SYDE2: variants seen among roughly 807,000 people sequenced by gnomAD.
The protein encoded by SYDE2 is rho GTPase-activating protein SYDE2.
Under a neutral mutation model 91.5 loss-of-function variants are expected in SYDE2, and 76 were observed. The observed-to-expected ratio is 0.83, with a 90% CI of 0.69 to 1.01. The LOEUF (loss-of-function observed/expected upper bound fraction) is 1.01. Among genes scored for constraint, SYDE2 ranks in the 50% least tolerant of loss-of-function variants. SYDE2 has a pLI of 0.00. For synonymous variants in SYDE2, 513 were observed against 506.4 expected (o/e 1.01, Z -0.18); for missense variants, 1,364 against 1,367.7 (o/e 1.00, Z 0.04).
chr1:85,182,127 T>TA lies in SYDE2; in HGVS notation c.2514dup (p.Ile839TyrfsTer5). ...CAGCCTCTCTTTTCAATTTCCATAATACATTTCTGTATCAGAAGGGGCACC... is the reference window on the plus strand; with the variant it reads ...CAGCCTCTCTTTTCAATTTCCATAATAACATTTCTGTATCAGAAGGGGCACC... On this transcript the variant is annotated frameshift_variant, in exon 3 of 7. Transcript: ENST00000341460. LOFTEE classifies it high-confidence loss of function. The TA allele has an allele frequency of 6.3e-7, 1 of 1,598,058 alleles. No individual in the cohort carries two copies. Among genetic ancestry groups the TA allele is most frequent in the Non-Finnish European group, 8.5e-7 (1 of 1,173,420 alleles).
At chr1:85,200,104 C>CT in intron 1 of SYDE2, 148 bp downstream of exon 1, 1 of 1,479,886 alleles carries the variant, frequency 6.8e-7, no homozygotes, top group Non-Finnish European at 8.9e-7. Flanking sequence ...CCCGAAATTA[C>CT]TTTAAGCTGC....
chr1:85,174,553 G>A (rs1657621446), intron 4 of SYDE2, among the ~76,000 whole-genome samples: 1 of 152,202 alleles, frequency 6.6e-6, no homozygotes, highest in African/African-American at 2.4e-5. Flanking sequence ...TAAAGATACA[G>A]TTGATTAGGT....
chr1:85,154,177 T>A (rs1264355630), downstream of SYDE2: 4 of 151,760 alleles, frequency 2.6e-5, no homozygotes, highest in African/African-American at 9.7e-5. Flanking sequence ...TAATACAACT[T>A]TATCATACCA....
intron 2 of SYDE2, among the ~76,000 whole-genome samples, chr1:85,185,989 A>C (rs1057393173): frequency 2.6e-5 from 4 of 152,134 alleles, no homozygotes; most frequent in Admixed American, 2.0e-4. Flanking sequence ...TAATTTATTG[A>C]GAGTTTTTAG....
At chr1:85,197,855 A>G (rs1438102865) in intron 1 of SYDE2, among the ~76,000 whole-genome samples, 1 of 151,876 alleles carries the variant, frequency 6.6e-6, no homozygotes, top group Non-Finnish European at 1.5e-5. Context: ...GGGGTTTCAC[A>G]GTATTAGCCA....
chr1:85,185,388 C>A (rs1394069239), intron 2 of SYDE2, among the ~76,000 whole-genome samples: 2 of 151,580 alleles, frequency 1.3e-5, no homozygotes, highest in Non-Finnish European at 2.9e-5. Context: ...CAATTTGCCA[C>A]AAACATTAAA....
At position 85,158,430 on chromosome 1, in the gene SYDE2, T is replaced by C; in HGVS notation, c.*320A>G. ...CTCAGCTACAGAAGAGTGGTTCCCA[T>C]AAAGCAGAAAAACCTTGAGGGGCTA... On this transcript the variant is annotated 3_prime_UTR_variant, in exon 7 of 7. Coordinates refer to ENST00000341460, the MANE Select transcript of SYDE2 (RefSeq NM_032184.2). The C allele has an allele frequency of 4.5e-6, 1 of 220,282 alleles. No individual in the cohort carries two copies. The allele number at this position is 220,282 out of a possible 1,614,324, so 13.6% of individuals were successfully genotyped here. A position where few individuals can be genotyped will look rare whatever the true frequency, so the allele number is the denominator to read the frequency against.
At chr1:85,162,172 T>C (rs950850824) in intron 6 of SYDE2, among the ~76,000 whole-genome samples, 8 of 151,948 alleles carry the variant, frequency 5.3e-5, no homozygotes, top group African/African-American at 1.9e-4. Flanking sequence ...AAAAATAACA[T>C]GAAACAAAAC....
intron 4 of SYDE2, among the ~76,000 whole-genome samples, chr1:85,170,598 A>G (rs1474444945): frequency 6.6e-6 from 1 of 152,208 alleles, no homozygotes; most frequent in African/African-American, 2.4e-5. Context: ...TGGATTTTTG[A>G]TTTTTGGATT....
intron 6 of SYDE2, among the ~76,000 whole-genome samples, chr1:85,163,443 ATC>A (rs1344201988): frequency 5.7e-5 from 4 of 70,320 alleles, no homozygotes; most frequent in South Asian, 4.4e-4. Flanking sequence ...TTGTACTTTA[ATC>A]TATATATATA....
intron 1 of SYDE2, among the ~76,000 whole-genome samples, chr1:85,199,424 T>A: frequency 6.6e-6 from 1 of 152,234 alleles, no homozygotes; most frequent in East Asian, 1.9e-4. Context: ...TAGTTAAAAA[T>A]CATGCACATA....
In SYDE2 at chr1:85,182,233, A is replaced by G. The variant is rs766610733; in HGVS notation, c.2409T>C (p.His803=). 2 of 1,610,036 alleles carry G rather than the reference A, an allele frequency of 1.2e-6. No homozygotes were observed. The highest frequency in any genetic ancestry group is 1.7e-6 in the Non-Finnish European group (2 of 1,178,672). ...TTGGTTCTTGGTTTATATCTAGTCC[A>G]TGAAGAGAATTCTCCCACTGTTCCA... ...TLMEQWENSL[H]GLDINQEPII... Residue 803 remains histidine (H), a synonymous_variant, in exon 3 of 7, where the codon CAT becomes CAC. Coordinates refer to ENST00000341460, the MANE Select transcript of SYDE2 (RefSeq NM_032184.2).
chr1:85,194,554 A>C (rs562763856), intron 1 of SYDE2, among the ~76,000 whole-genome samples: 1 of 151,016 alleles, frequency 6.6e-6, no homozygotes, highest in East Asian at 1.9e-4. Context: ...AAAAATATAA[A>C]AATAAGTATG....
Position 85,200,895 on chromosome 1 carries a change from G to A in SYDE2, c.102C>T (p.Ser34=), listed in dbSNP as rs1039448766. The stretch of plus-strand genomic sequence containing the variant: ...AGGCTCGGCGGTACGCGGCGCCGCG[G>A]GAAGGCGGCTGGCCCGGAGCCCGGG... ...AGARAPGQPP[S]RGAAYRRACP... The change falls in exon 1 of 7, where the codon TCC becomes TCT. Residue 34 remains serine (S), a synonymous_variant. Coordinates refer to ENST00000341460, the MANE Select transcript of SYDE2 (RefSeq NM_032184.2). 7.5e-7 allele frequency: 1 copy of A among 1,333,920 alleles called. No homozygotes were observed. The highest frequency in any genetic ancestry group is 9.5e-7 in the Non-Finnish European group (1 of 1,051,518). The allele number at this position is 1,333,920 out of a possible 1,614,324, so 82.6% of individuals were successfully genotyped here. A position where few individuals can be genotyped will look rare whatever the true frequency, so the allele number is the denominator to read the frequency against.
Position 85,200,910 on chromosome 1 carries a change from C to T in SYDE2, c.87G>A (p.Pro29=). ...DHSFPAGARA[P]GQPPSRGAAY... ...CGGCGCCGCGGGAAGGCGGCTGGCCCGGAGCCCGGGCTCCCGCGGGGAAGC... is the reference window on the plus strand; with the variant it reads ...CGGCGCCGCGGGAAGGCGGCTGGCCTGGAGCCCGGGCTCCCGCGGGGAAGC... The change falls in exon 1 of 7, where the codon CCG becomes CCA. Residue 29 remains proline (P), a synonymous_variant. Coordinates refer to ENST00000341460, the MANE Select transcript of SYDE2 (RefSeq NM_032184.2). 1.5e-6 allele frequency: 2 copies of T among 1,323,230 alleles called. No individual in the cohort carries two copies. Among genetic ancestry groups the T allele is most frequent in the Non-Finnish European group, 9.6e-7 (1 of 1,045,712 alleles). The allele number at this position is 1,323,230 out of a possible 1,614,324, so 82.0% of individuals were successfully genotyped here.
Position 85,190,722 on chromosome 1 carries a change from A to T in SYDE2, c.776T>A (p.Met259Lys). 1 of 1,611,148 alleles carries T rather than the reference A, an allele frequency of 6.2e-7. No individual in the cohort carries two copies. Among genetic ancestry groups the T allele is most frequent in the Non-Finnish European group, 8.5e-7 (1 of 1,178,886 alleles). ...DLFENAYGSSMKGRELEELKD... is the reference protein window; with the variant it reads ...DLFENAYGSSKKGRELEELKD... Reference sequence around the variant, plus strand: ...CAGCTCTTCAAGTTCTCTTCCCTTCATTGAAGACCCATAGGCATTTTCAAA... The same window carrying T: ...CAGCTCTTCAAGTTCTCTTCCCTTCTTTGAAGACCCATAGGCATTTTCAAA... Residue 259 changes from methionine (M) to lysine (K), a missense_variant, in exon 2 of 7, where the codon ATG becomes AAG. Physicochemically the swap from Met to Lys is moderately conservative, Grantham distance 95. Coordinates refer to ENST00000341460, the MANE Select transcript of SYDE2 (RefSeq NM_032184.2).
chr1:85,191,931 G>A (rs181924903), intron 1 of SYDE2, among the ~76,000 whole-genome samples: 51 of 152,086 alleles, frequency 3.4e-4, no homozygotes, highest in African/African-American at 1.2e-3. Context: ...CAGTCCATAA[G>A]CTAAGTATAT....
In SYDE2 at chr1:85,187,785, A is replaced by T. The variant is rs1036819925; in HGVS notation, c.1441+2272T>A. Among the ~76,000 whole-genome samples, 3 of 148,796 alleles carry T rather than the reference A, an allele frequency of 2.0e-5. No individual in the cohort carries two copies. The East Asian group carries it at 6.2e-4, about 31-fold the overall frequency. On this transcript the variant is annotated intron_variant, in intron 2 of 6. Transcript: ENST00000341460. Reference sequence around the variant, plus strand: ...TCAAGGACAAAAAACCAAACACCGCATGTTCTCACTCATAGGTGGGAATTG... The same window carrying T: ...TCAAGGACAAAAAACCAAACACCGCTTGTTCTCACTCATAGGTGGGAATTG...
intron 1 of SYDE2, among the ~76,000 whole-genome samples, chr1:85,195,137 G>A (rs1487538422): frequency 9.3e-5 from 14 of 150,078 alleles, no homozygotes; most frequent in African/African-American, 3.0e-4. Context: ...TCCAGGCTGG[G>A]CAACAGAGCT....
Sources: allele counts gnomAD v4.1 joint callset (sites outside exome capture counted in the v4.1 genomes callset), GRCh38; gene constraint gnomAD v4.1.1; transcripts MANE v1.5; gene names NCBI Gene and HGNC (gene_info 2026-07-23, HGNC 2026-07-21).